DLG2: variants seen among roughly 807,000 people sequenced by gnomAD.
DLG2 encodes the protein disks large homolog 2.
DLG2 carries 45 observed loss-of-function variants against 132.5 expected under a neutral mutation model. That is an observed-to-expected ratio of 0.34 (90% CI 0.27 to 0.44). The LOEUF (loss-of-function observed/expected upper bound fraction) is 0.44, where lower values mean the gene tolerates loss of function less well. Ranked by LOEUF, DLG2 falls within the 20% of genes least tolerant of loss-of-function variation. The pLI is 1.00. For missense variants in DLG2, 1,045 were observed against 1,196.9 expected, an observed-to-expected ratio of 0.87 and a Z score of 1.87; for synonymous variants, 424 against 419.6, an observed-to-expected ratio of 1.01 and a Z score of -0.13.
At chr11:84,551,851 T>A (rs555351564) in intron 6 of DLG2, among the ~76,000 whole-genome samples, 1 of 152,188 alleles carries the variant, frequency 6.6e-6, no homozygotes, top group Non-Finnish European at 1.5e-5. Flanking sequence ...GGAGAAAGTA[T>A]AAATAGAAAT....
chr11:83,929,662 G>C (rs2079770521), intron 15 of DLG2, among the ~76,000 whole-genome samples: 1 of 152,118 alleles, frequency 6.6e-6, no homozygotes, highest in South Asian at 2.1e-4. Flanking sequence ...ATCATACTGA[G>C]GGCAATACCT....
intron 10 of DLG2, among the ~76,000 whole-genome samples, chr11:84,083,155 C>T (rs1187452019): frequency 6.6e-6 from 1 of 152,102 alleles, no homozygotes; most frequent in African/African-American, 2.4e-5. Context: ...TGGCAGGCAC[C>T]TGTAATCCCA....
intron 6 of DLG2, among the ~76,000 whole-genome samples, chr11:84,770,855 GC>G (rs2069235289): frequency 6.6e-6 from 1 of 151,300 alleles, no homozygotes; most frequent in Non-Finnish European, 1.5e-5. Context: ...CACCGTGTTA[GC>G]CAGGGTGGTC....
At chr11:83,898,673 A>G (rs888271629) in intron 15 of DLG2, among the ~76,000 whole-genome samples, 2 of 152,124 alleles carry the variant, frequency 1.3e-5, no homozygotes, top group African/African-American at 2.4e-5. Context: ...ATCTGATACA[A>G]TTGCTCCAAC....
intron 18 of DLG2, among the ~76,000 whole-genome samples, chr11:83,737,516 AC>A (rs1207060632): frequency 2.0e-5 from 3 of 152,232 alleles, no homozygotes; most frequent in Non-Finnish European, 4.4e-5. Flanking sequence ...ATATGTTTCT[AC>A]TTAAAACACA....
intron 22 of DLG2, among the ~76,000 whole-genome samples, chr11:83,483,917 G>A (rs1205663819): frequency 5.9e-5 from 9 of 152,230 alleles, no homozygotes; most frequent in African/African-American, 2.2e-4. Context: ...GTTTTGGCAA[G>A]TCTCTCTCCA....
chr11:84,737,642 G>C (rs557270676), intron 6 of DLG2, among the ~76,000 whole-genome samples: 1 of 152,158 alleles, frequency 6.6e-6, no homozygotes, highest in African/African-American at 2.4e-5. Context: ...GTAGTGTGGT[G>C]AAGGATTGGA....
chr11:83,805,596 C>A (rs2045693898), intron 17 of DLG2, among the ~76,000 whole-genome samples: 1 of 152,112 alleles, frequency 6.6e-6, no homozygotes, highest in Non-Finnish European at 1.5e-5. Flanking sequence ...TCCCTTTTGT[C>A]TACTCTCAAT....
intron 7 of DLG2, among the ~76,000 whole-genome samples, chr11:84,316,211 T>C (rs1054371134): frequency 1.9e-4 from 29 of 152,218 alleles, no homozygotes; most frequent in African/African-American, 6.5e-4. Context: ...ATAAACTTAT[T>C]GCTTCTCCAT....
chr11:83,520,440 A>T (rs1201067858), intron 21 of DLG2, among the ~76,000 whole-genome samples: 1 of 152,202 alleles, frequency 6.6e-6, no homozygotes, highest in Non-Finnish European at 1.5e-5. Flanking sequence ...CAGGGATTTC[A>T]AGTGCACAGA....
chr11:85,497,144 C>G (rs893153255), intron 3 of DLG2, among the ~76,000 whole-genome samples: 3 of 151,928 alleles, frequency 2.0e-5, no homozygotes, highest in Non-Finnish European at 4.4e-5. Context: ...GCTAAAGAAG[C>G]ATGTTCTAAC....
At chr11:84,846,519 A>G (rs1424153540) in intron 6 of DLG2, among the ~76,000 whole-genome samples, 1 of 152,110 alleles carries the variant, frequency 6.6e-6, no homozygotes, top group Non-Finnish European at 1.5e-5. Flanking sequence ...GTAATAAACT[A>G]CAACTACTCT....
At chr11:85,055,122 AC>A (rs2063319170) in intron 6 of DLG2, among the ~76,000 whole-genome samples, 1 of 152,212 alleles carries the variant, frequency 6.6e-6, no homozygotes, top group Non-Finnish European at 1.5e-5. Context: ...TGAATGAGTG[AC>A]TTCAGACAAA....
At chr11:83,943,478 A>AT (rs1443372792) in intron 14 of DLG2, among the ~76,000 whole-genome samples, 1 of 152,238 alleles carries the variant, frequency 6.6e-6, no homozygotes, top group Non-Finnish European at 1.5e-5. Flanking sequence ...CTAACATGGC[A>AT]TTATGAGAAT....
chr11:85,442,549 T>C (rs1468643660), intron 3 of DLG2, among the ~76,000 whole-genome samples: 1 of 151,958 alleles, frequency 6.6e-6, no homozygotes, highest in Non-Finnish European at 1.5e-5. Flanking sequence ...AATAAAAGGA[T>C]AGCAAAAGAG....
chr11:83,937,751 A>C (rs2081817187), intron 14 of DLG2, among the ~76,000 whole-genome samples: 1 of 152,172 alleles, frequency 6.6e-6, no homozygotes, highest in Non-Finnish European at 1.5e-5. Context: ...TAAAAATAAC[A>C]CAAATTAAAT....
chr11:84,857,218 A>T (rs2154026287), intron 6 of DLG2, among the ~76,000 whole-genome samples: 1 of 152,110 alleles, frequency 6.6e-6, no homozygotes, highest in East Asian at 1.9e-4. Context: ...AGGAGAAGCA[A>T]AGTCGAAAAG....
intron 7 of DLG2, among the ~76,000 whole-genome samples, chr11:84,502,415 T>A (rs10898245): frequency 0.022 from 2,211 of 99,850 alleles, 134 homozygotes; most frequent in South Asian, 0.045. Context: ...TCTTTCTTTC[T>A]ATACAGAGTC....
chr11:83,891,937 A>G (rs1257735252), intron 15 of DLG2, among the ~76,000 whole-genome samples: 1 of 152,196 alleles, frequency 6.6e-6, no homozygotes, highest in Non-Finnish European at 1.5e-5. Flanking sequence ...GTTTCACTTG[A>G]CATCTGCAAT....
Sources: gnomAD v4.1 joint callset for allele counts (sites outside exome capture counted in the v4.1 genomes callset) on GRCh38, gnomAD v4.1.1 for gene constraint, MANE v1.5 for transcripts, NCBI Gene and HGNC (gene_info 2026-07-23, HGNC 2026-07-21) for gene names.